The following KIAA1328 variants were observed in gnomAD, a reference collection of about 807,000 sequenced individuals.
The protein encoded by KIAA1328 is protein hinderin.
KIAA1328 carries 52 observed loss-of-function variants against 68.1 expected under a neutral mutation model. The observed-to-expected ratio is 0.76, with a 90% CI of 0.61 to 0.96. The LOEUF (loss-of-function observed/expected upper bound fraction) is 0.96. KIAA1328 is among the 40% of genes least tolerant of loss of function. The pLI is 0.00. For synonymous variants in KIAA1328, 232 were observed against 239.4 expected (o/e 0.97, Z 0.28); for missense variants, 641 against 677.6 (o/e 0.95, Z 0.60).
intron 6 of KIAA1328, among the ~76,000 whole-genome samples, chr18:37,050,150 A>C (rs2055632880): frequency 6.6e-6 from 1 of 152,176 alleles, no homozygotes; most frequent in Admixed American, 6.5e-5. Flanking sequence ...AAAAGAGGTC[A>C]GTGAATGGTC....
intron 5 of KIAA1328, among the ~76,000 whole-genome samples, chr18:36,916,507 C>T (rs1309450079): frequency 1.3e-5 from 2 of 151,990 alleles, no homozygotes; most frequent in East Asian, 3.8e-4. Context: ...ATAGTAGCTA[C>T]TTTTAATCTC....
chr18:36,911,561 T>G (rs4799891), intron 5 of KIAA1328, among the ~76,000 whole-genome samples: 1 of 151,978 alleles, frequency 6.6e-6, no homozygotes, highest in South Asian at 2.1e-4. Context: ...TTTTTTAAAC[T>G]ACTTTACTTT....
At chr18:37,096,598 T>G (rs2057415881) in intron 7 of KIAA1328, among the ~76,000 whole-genome samples, 1 of 152,244 alleles carries the variant, frequency 6.6e-6, no homozygotes. Context: ...TACCCAGTAA[T>G]GGGATTGCTG....
chr18:37,208,230 A>G (rs2060252804), intron 9 of KIAA1328, among the ~76,000 whole-genome samples: 1 of 152,114 alleles, frequency 6.6e-6, no homozygotes, highest in African/African-American at 2.4e-5. Context: ...GCAGGCAGAG[A>G]TAGTAGGAAT....
At chr18:37,111,882 C>T (rs2057941589) in intron 7 of KIAA1328, among the ~76,000 whole-genome samples, 1 of 152,226 alleles carries the variant, frequency 6.6e-6, no homozygotes, top group South Asian at 2.1e-4. Context: ...ATATCCCGTG[C>T]CTGGCTCAGA....
intron 7 of KIAA1328, among the ~76,000 whole-genome samples, chr18:37,089,910 A>G (rs1388037261): frequency 6.6e-6 from 1 of 152,228 alleles, no homozygotes; most frequent in South Asian, 2.1e-4. Flanking sequence ...GAAACAACTT[A>G]TGACTTTTGA....
intron 6 of KIAA1328, among the ~76,000 whole-genome samples, chr18:36,988,767 A>G (rs2053049245): frequency 6.6e-6 from 1 of 152,214 alleles, no homozygotes; most frequent in East Asian, 1.9e-4. Flanking sequence ...TTTACAACTT[A>G]CTGTTACCTA....
intron 4 of KIAA1328, among the ~76,000 whole-genome samples, chr18:36,851,669 A>G (rs1423817578): frequency 6.7e-6 from 1 of 149,734 alleles, no homozygotes; most frequent in Non-Finnish European, 1.5e-5. Context: ...TTTATTTCTA[A>G]TTTTATTTAC....
chr18:36,839,624 G>T (rs1234371003), intron 3 of KIAA1328, among the ~76,000 whole-genome samples: 1 of 152,046 alleles, frequency 6.6e-6, no homozygotes, highest in Admixed American at 6.5e-5. Flanking sequence ...TCTTTTATTG[G>T]ATGTCACAAG....
At chr18:36,987,933 G>C (rs1202071773) in intron 6 of KIAA1328, among the ~76,000 whole-genome samples, 1 of 151,922 alleles carries the variant, frequency 6.6e-6, no homozygotes, top group African/African-American at 2.4e-5. Context: ...CCCTAGTTCA[G>C]CTCTATCTTT....
chr18:37,014,062 C>T (rs763027554), intron 6 of KIAA1328, among the ~76,000 whole-genome samples: 5 of 152,184 alleles, frequency 3.3e-5, no homozygotes, highest in East Asian at 1.9e-4. Context: ...GATGGTATCT[C>T]ATTGTGGTTT....
At chr18:36,972,907 G>A (rs1473902586) in intron 6 of KIAA1328, among the ~76,000 whole-genome samples, 2 of 152,178 alleles carry the variant, frequency 1.3e-5, no homozygotes, top group East Asian at 3.9e-4. Context: ...TTACCAACAA[G>A]GTGATAGTTA....
intron 7 of KIAA1328, among the ~76,000 whole-genome samples, chr18:37,141,303 A>T (rs1329534601): frequency 1.3e-5 from 2 of 152,144 alleles, no homozygotes; most frequent in Non-Finnish European, 2.9e-5. Flanking sequence ...ATATCACTTG[A>T]AATATTATTG....
At chr18:37,186,520 T>A (rs1050322654) in intron 9 of KIAA1328, among the ~76,000 whole-genome samples, 7 of 126,258 alleles carry the variant, frequency 5.5e-5, no homozygotes, top group African/African-American at 2.2e-4. Flanking sequence ...TGAGCCATGA[T>A]CACACCACTG....
intron 6 of KIAA1328, among the ~76,000 whole-genome samples, chr18:37,055,404 A>G (rs929535642): frequency 6.6e-6 from 1 of 152,212 alleles, no homozygotes; most frequent in African/African-American, 2.4e-5. Flanking sequence ...TGTAAGTTGC[A>G]ACTGATGATA....
chr18:37,175,066 A>G (rs1027177305), intron 9 of KIAA1328, among the ~76,000 whole-genome samples: 3 of 152,154 alleles, frequency 2.0e-5, no homozygotes, highest in Admixed American at 6.5e-5. Context: ...TCCTCTTTGG[A>G]TCACTTAACG....
chr18:36,871,873 TG>T (rs2047957551), intron 4 of KIAA1328, among the ~76,000 whole-genome samples: 1 of 152,004 alleles, frequency 6.6e-6, no homozygotes, highest in African/African-American at 2.4e-5. Flanking sequence ...GGAGGCCACA[TG>T]TGGGCAGGTA....
chr18:36,839,489 A>G (rs918657250), intron 3 of KIAA1328, among the ~76,000 whole-genome samples: 4 of 152,182 alleles, frequency 2.6e-5, no homozygotes, highest in African/African-American at 7.2e-5. Context: ...ACATAGTTAT[A>G]ATAACTGTTT....
chr18:37,151,896 T>C (rs2059038989), intron 7 of KIAA1328, among the ~76,000 whole-genome samples: 1 of 151,962 alleles, frequency 6.6e-6, no homozygotes, highest in South Asian at 2.1e-4. Flanking sequence ...GGAACTGCAC[T>C]GGTGTTGTGT....
Sources: gnomAD v4.1 joint callset for allele counts (sites outside exome capture counted in the v4.1 genomes callset) on GRCh38, gnomAD v4.1.1 for gene constraint, MANE v1.5 for transcripts, NCBI Gene and HGNC (gene_info 2026-07-23, HGNC 2026-07-21) for gene names.